ENTREP2: variants seen among roughly 807,000 people sequenced by gnomAD.
The protein encoded by ENTREP2 is protein ENTREP2.
the ENTREP2 span, among the ~76,000 whole-genome samples, chr15:29,650,104 C>T: frequency 0.15 from 22,487 of 151,794 alleles, 3,259 homozygotes; most frequent in African/African-American, 0.38. Context: ...TATGCATATG[C>T]GCTAAAGGTT....
chr15:29,118,678 GC>G, the ENTREP2 span, among the ~76,000 whole-genome samples: 2 of 152,108 alleles, frequency 1.3e-5, no homozygotes, highest in African/African-American at 4.8e-5. Flanking sequence ...AACGTAAATG[GC>G]CCCTGGGAAA....
the ENTREP2 span, among the ~76,000 whole-genome samples, chr15:29,595,000 G>A: frequency 6.2e-5 from 9 of 145,156 alleles, no homozygotes; most frequent in African/African-American, 1.0e-4. Flanking sequence ...CCCAGGAGGC[G>A]GAGCTTGGAG....
chr15:29,466,851 G>A, the ENTREP2 span, among the ~76,000 whole-genome samples: 2 of 135,786 alleles, frequency 1.5e-5, no homozygotes, highest in African/African-American at 2.8e-5. Flanking sequence ...CCCAGGGGAG[G>A]GCCCAGGGGA....
At chr15:29,654,628 A>G in the ENTREP2 span, among the ~76,000 whole-genome samples, 1 of 152,188 alleles carries the variant, frequency 6.6e-6, no homozygotes, top group Admixed American at 6.5e-5. Flanking sequence ...TGAGATCCAT[A>G]TCTCTATGTA....
chr15:29,333,506 G>A, the ENTREP2 span, among the ~76,000 whole-genome samples: 1 of 152,056 alleles, frequency 6.6e-6, no homozygotes, highest in Non-Finnish European at 1.5e-5. Context: ...TACCTGCATG[G>A]CCCTCCCGGG....
chr15:29,161,550 C>T, the ENTREP2 span, among the ~76,000 whole-genome samples: 3 of 152,212 alleles, frequency 2.0e-5, no homozygotes, highest in African/African-American at 7.2e-5. Flanking sequence ...TCAGACCCTG[C>T]AGTTCCTGGC....
the ENTREP2 span, among the ~76,000 whole-genome samples, chr15:29,368,448 A>G: frequency 1.3e-5 from 2 of 152,108 alleles, no homozygotes; most frequent in Non-Finnish European, 2.9e-5. Flanking sequence ...TGGACTTAGA[A>G]GACAAAGACT....
At chr15:29,251,291 A>G in the ENTREP2 span, among the ~76,000 whole-genome samples, 1 of 152,210 alleles carries the variant, frequency 6.6e-6, no homozygotes, top group Non-Finnish European at 1.5e-5. Context: ...TCCTATCAGG[A>G]GTTTAAGTAT....
At chr15:29,645,134 CA>C in the ENTREP2 span, among the ~76,000 whole-genome samples, 1 of 152,158 alleles carries the variant, frequency 6.6e-6, no homozygotes, top group African/African-American at 2.4e-5. Flanking sequence ...AGGACATTAT[CA>C]GAGAATTCTT....
At chr15:29,461,339 T>TGAG in the ENTREP2 span, among the ~76,000 whole-genome samples, 2 of 152,250 alleles carry the variant, frequency 1.3e-5, no homozygotes, top group Admixed American at 1.3e-4. Context: ...CCAGAAAACA[T>TGAG]GAGTTGCTTC....
At chr15:29,180,958 A>C in the ENTREP2 span, among the ~76,000 whole-genome samples, 1 of 152,096 alleles carries the variant, frequency 6.6e-6, no homozygotes, top group African/African-American at 2.4e-5. Flanking sequence ...AAAATGGAGA[A>C]GAGAGCAGAA....
At chr15:29,467,917 A>G in the ENTREP2 span, among the ~76,000 whole-genome samples, 5 of 152,008 alleles carry the variant, frequency 3.3e-5, no homozygotes, top group East Asian at 5.8e-4. Context: ...CCCAGCAATC[A>G]TGGCTAGCTC....
At chr15:29,148,156 G>A in the ENTREP2 span, among the ~76,000 whole-genome samples, 1 of 152,192 alleles carries the variant, frequency 6.6e-6, no homozygotes, top group Non-Finnish European at 1.5e-5. Context: ...AGGAAATAGG[G>A]TGACTGCTAA....
chr15:29,416,041 G>C, the ENTREP2 span, among the ~76,000 whole-genome samples: 4 of 152,198 alleles, frequency 2.6e-5, no homozygotes, highest in Non-Finnish European at 4.4e-5. Flanking sequence ...TGGGTAGGAA[G>C]AATCAGTATC....
chr15:29,153,570 T>C, the ENTREP2 span, among the ~76,000 whole-genome samples: 1 of 152,182 alleles, frequency 6.6e-6, no homozygotes, highest in African/African-American at 2.4e-5. Flanking sequence ...TATTAAATAA[T>C]AACATATTGG....
chr15:29,645,278 G>T, the ENTREP2 span, among the ~76,000 whole-genome samples: 1 of 152,058 alleles, frequency 6.6e-6, no homozygotes, highest in African/African-American at 2.4e-5. Flanking sequence ...AAGTCTAAAT[G>T]GTGAAAAAAA....
At chr15:29,423,722 T>C in the ENTREP2 span, among the ~76,000 whole-genome samples, 3 of 151,806 alleles carry the variant, frequency 2.0e-5, no homozygotes, top group African/African-American at 7.3e-5. Flanking sequence ...GGCGTGAACC[T>C]GGGAGGCGGA....
the ENTREP2 span, among the ~76,000 whole-genome samples, chr15:29,315,866 A>G: frequency 6.6e-6 from 1 of 152,352 alleles, no homozygotes; most frequent in East Asian, 1.9e-4. Context: ...CGATATCACT[A>G]AGTTATAAAA....
At chr15:29,555,473 C>G in the ENTREP2 span, among the ~76,000 whole-genome samples, 3 of 152,148 alleles carry the variant, frequency 2.0e-5, no homozygotes, top group Admixed American at 6.5e-5. Context: ...GAATAAAGCC[C>G]TATAACAACA....
Sources: gnomAD v4.1 joint callset for allele counts (sites outside exome capture counted in the v4.1 genomes callset) on GRCh38, gnomAD v4.1.1 for gene constraint, MANE v1.5 for transcripts, NCBI Gene and HGNC (gene_info 2026-07-23, HGNC 2026-07-21) for gene names.